Variants in PTGES2 observed in about 807,000 individuals in gnomAD.
The protein encoded by PTGES2 is prostaglandin E synthase 2.
In PTGES2, 35 loss-of-function variants were observed where a neutral mutation model predicts 44.5. The observed-to-expected ratio is 0.79, with a 90% CI of 0.60 to 1.04. PTGES2 has a LOEUF of 1.04. PTGES2 is among the 50% of genes least tolerant of loss of function. PTGES2 has a pLI of 0.00. For synonymous variants in PTGES2, 221 were observed against 227.5 expected (o/e 0.97, Z 0.26); for missense variants, 517 against 521.4 (o/e 0.99, Z 0.08).
At chr9:128,121,347 T>G (rs1008219962) in intron 6 of PTGES2, 74 bp from the exon 7 acceptor site, 2 of 1,540,828 alleles carry the variant, frequency 1.3e-6, no homozygotes, top group East Asian at 4.7e-5. Context: ...CCCTGCCAGC[T>G]GTGTGGCCAG....
At chr9:128,122,795 C>T in intron 5 of PTGES2, 139 bp downstream of exon 5, 1 of 859,772 alleles carries the variant, frequency 1.2e-6, no homozygotes, top group Non-Finnish European at 1.8e-6. Flanking sequence ...GGCCAAGGGA[C>T]CCATAATCCA....
rs771420845 is a variant in PTGES2, at chr9:128,121,149, T to G, written c.1130A>C (p.His377Pro). Residue 377 changes from histidine to proline, a missense_variant, in exon 7 of 7, where the codon CAC becomes CCC. Transcript: ENST00000338961. ...ERAITEASPAH is the reference protein window; with the variant it reads ...ERAITEASPAP ...CTCTGCTCTGCGCGGGGACATTCAG[T>G]GCGCTGGGGAGGCCTCGGTGATGGC... 1 of 1,584,812 alleles carries G rather than the reference T, an allele frequency of 6.3e-7. No homozygotes were observed. Among genetic ancestry groups the G allele is most frequent in the East Asian group, 2.3e-5 (1 of 43,206 alleles).
At chr9:128,121,325 A>G in intron 6 of PTGES2, 52 bp from the exon 7 acceptor site, 1 of 1,569,484 alleles carries the variant, frequency 6.4e-7, no homozygotes, top group Non-Finnish European at 8.7e-7. Flanking sequence ...AGGCATCCAG[A>G]CCTCCTTCGT....
Position 128,123,990 on chromosome 9 carries a change from G to A in PTGES2, c.537-139C>T. On this transcript the variant is annotated intron_variant, in intron 3 of 6. Transcript: ENST00000338961. The surrounding 1 kb of genome is among the most constrained non-coding windows in gnomAD (Gnocchi z 4.4). ...ACTCTTGCAGTAAGAGGGATTTGGAGTAGATGCCAGGGCTACCTCCCCAAG... is the reference window on the plus strand; with the variant it reads ...ACTCTTGCAGTAAGAGGGATTTGGAATAGATGCCAGGGCTACCTCCCCAAG... 3 of 943,648 alleles carry A rather than the reference G, an allele frequency of 3.2e-6. No homozygotes were observed. Among genetic ancestry groups the A allele is most frequent in the Non-Finnish European group, 4.7e-6 (3 of 640,840 alleles). The allele number at this position is 943,648 out of a possible 1,614,324, so 58.5% of individuals were successfully genotyped here. A position where few individuals can be genotyped will look rare whatever the true frequency, so the allele number is the denominator to read the frequency against.
intron 2 of PTGES2, among the ~76,000 whole-genome samples, 194 bp downstream of exon 2, chr9:128,125,050 G>T (rs1834565541): frequency 6.6e-6 from 1 of 152,238 alleles, no homozygotes; most frequent in African/African-American, 2.4e-5. Flanking sequence ...GACCCAGCAG[G>T]TGTTTGGTTT....
intron 6 of PTGES2, 74 bp from the exon 7 acceptor site, chr9:128,121,347 T>C: frequency 6.5e-7 from 1 of 1,540,828 alleles, no homozygotes; most frequent in Non-Finnish European, 8.8e-7. Context: ...CCCTGCCAGC[T>C]GTGTGGCCAG....
chr9:128,127,691 C>A lies in PTGES2; in HGVS notation c.27G>T (p.Arg9=), dbSNP rs760647478. The A allele has an allele frequency of 6.2e-6, 8 of 1,286,594 alleles. No homozygotes were observed. The South Asian group carries it at 2.0e-4, about 32-fold the overall frequency. 79.7% of individuals were successfully genotyped at this position (1,286,594 alleles called of 1,614,324 possible). A position where few individuals can be genotyped will look rare whatever the true frequency, so the allele number is the denominator to read the frequency against. The change falls in exon 1 of 7, where the codon CGG becomes CGT. Residue 9 remains arginine (R), a synonymous_variant. Transcript: ENST00000338961. MDPAARVV[R]ALWPGGCALA... The stretch of plus-strand genomic sequence containing the variant: ...AGGCGCACCCACCAGGCCACAGCGC[C>A]CGCACCACCCGCGCAGCCGGGTCCA...
chr9:128,122,248 G>A, intron 6 of PTGES2, 114 bp downstream of exon 6: 2 of 794,554 alleles, frequency 2.5e-6, no homozygotes, highest in South Asian at 3.3e-5. Flanking sequence ...ATGGCAGAGA[G>A]AGGCAGGTTC....
At chr9:128,124,209 G>T in intron 3 of PTGES2, 1 of 368,314 alleles carries the variant, frequency 2.7e-6, no homozygotes, top group East Asian at 5.3e-5. Context: ...TCAGCCTCCT[G>T]AGTAGCTGGG....
intron 1 of PTGES2, among the ~76,000 whole-genome samples, chr9:128,126,855 A>C (rs1283328072): frequency 1.3e-5 from 1 of 75,308 alleles, no homozygotes. Flanking sequence ...GCAAAAAAAA[A>C]CTCCGTCTCA....
chr9:128,123,667 C>T lies in PTGES2; in HGVS notation c.686+35G>A. The T allele has an allele frequency of 6.2e-7, 1 of 1,601,118 alleles. No individual in the cohort carries two copies. Among genetic ancestry groups the T allele is most frequent in the African/African-American group, 1.3e-5 (1 of 74,880 alleles). ...CTACTCTACAGAAGACCCCTGCGGTCACCACCTTCCCCCGCCAGCCCCAGC... is the reference window on the plus strand; with the variant it reads ...CTACTCTACAGAAGACCCCTGCGGTTACCACCTTCCCCCGCCAGCCCCAGC... On this transcript the variant is annotated intron_variant, in intron 4 of 6. Coordinates refer to ENST00000338961, the MANE Select transcript of PTGES2 (RefSeq NM_025072.7). The surrounding 1 kb of genome is among the most constrained non-coding windows in gnomAD (Gnocchi z 4.4).
chr9:128,124,114 G>A (rs1247612998), intron 3 of PTGES2, among the ~76,000 whole-genome samples: 3 of 150,754 alleles, frequency 2.0e-5, no homozygotes, highest in African/African-American at 7.3e-5. Flanking sequence ...ACGGAGTCTC[G>A]CTCTGTCACC....
Position 128,123,886 on chromosome 9 carries a change from T to G in PTGES2, c.537-35A>C. 1 of 1,592,088 alleles carries G rather than the reference T, an allele frequency of 6.3e-7. No individual in the cohort carries two copies. The highest frequency in any genetic ancestry group is 8.6e-7 in the Non-Finnish European group (1 of 1,163,906). The stretch of plus-strand genomic sequence containing the variant: ...GAGCCACAATATCACCCCAACTCCT[T>G]CCCCCTCCGTCCCCTGTGGCCGACC... On this transcript the variant is annotated intron_variant, in intron 3 of 6. Transcript: ENST00000338961. The surrounding 1 kb of genome is among the most constrained non-coding windows in gnomAD (Gnocchi z 4.4).
chr9:128,127,644 C>A lies in PTGES2; in HGVS notation c.74G>T (p.Arg25Leu). The A allele has an allele frequency of 7.9e-7, 1 of 1,271,206 alleles. No homozygotes were observed. Among genetic ancestry groups the A allele is most frequent in the Non-Finnish European group, 9.9e-7 (1 of 1,009,918 alleles). The allele number at this position is 1,271,206 out of a possible 1,614,324, so 78.7% of individuals were successfully genotyped here. A position where few individuals can be genotyped will look rare whatever the true frequency, so the allele number is the denominator to read the frequency against. ...CTGCGTGGGTAGCAGCGGCTGGGGG[C>A]GGCCTCCCAGCCTCCAGGCCAAGGC... ...GCALAWRLGG[R>L]PQPLLPTQSR... is the part of the protein sequence containing the mutation. The change falls in exon 1 of 7, where the codon CGC becomes CTC. Residue 25 changes from arginine to leucine, a missense_variant. Transcript: ENST00000338961.
chr9:128,127,765 A>C (rs2130859982), upstream of PTGES2: 1 of 1,241,792 alleles, frequency 8.1e-7, no homozygotes, highest in East Asian at 3.2e-5. Flanking sequence ...GAAGACGCCG[A>C]GGCACGCGCG....
intron 2 of PTGES2, 170 bp from the exon 3 acceptor site, chr9:128,124,720 G>A: frequency 7.5e-7 from 1 of 1,325,570 alleles, no homozygotes; most frequent in Non-Finnish European, 1.0e-6. Context: ...AGACGTGGTT[G>A]TGGCCAATGG....
At chr9:128,124,425 C>T (rs1242360067) in intron 3 of PTGES2, 67 bp downstream of exon 3, 5 of 1,460,434 alleles carry the variant, frequency 3.4e-6, no homozygotes, top group Non-Finnish European at 4.8e-6. Context: ...GGAGGGAACT[C>T]AGGGGAGGCC....
upstream of PTGES2, chr9:128,128,396 C>G (rs1834735886): frequency 2.2e-6 from 1 of 455,306 alleles, no homozygotes; most frequent in African/African-American, 2.0e-5. Flanking sequence ...TAGCTGAAGC[C>G]CGGAGCCTCC....
Position 128,122,389 on chromosome 9 carries a change from C to T in PTGES2, c.978G>A (p.Gly326=). The T allele has an allele frequency of 6.2e-7, 1 of 1,614,212 alleles. No homozygotes were observed. Among genetic ancestry groups the T allele is most frequent in the African/African-American group, 1.3e-5 (1 of 75,068 alleles). ...AAVGKDRPFM[G]GQKPNLADLA... ...AATCAGCGAGATTCGGCTTCTGGCC[C>T]CCCATGAAGGGCCGGTCCTTGCCCA... Residue 326 remains glycine (G), a synonymous_variant, in exon 6 of 7, where the codon GGG becomes GGA. Coordinates refer to ENST00000338961, the MANE Select transcript of PTGES2 (RefSeq NM_025072.7).
Sources: allele counts gnomAD v4.1 joint callset (sites outside exome capture counted in the v4.1 genomes callset), GRCh38; gene constraint gnomAD v4.1.1; non-coding constraint Gnocchi (gnomAD v3.1); transcripts MANE v1.5; gene names NCBI Gene and HGNC (gene_info 2026-07-23, HGNC 2026-07-21).